The following TNIK variants were observed in gnomAD, a reference collection of about 807,000 sequenced individuals.
TNIK encodes TRAF2 and NCK interacting kinase.
A neutral mutation model predicts 191.3 loss-of-function variants in TNIK; 49 were observed. That is an observed-to-expected ratio of 0.26 (90% confidence interval 0.20 to 0.32). The LOEUF (loss-of-function observed/expected upper bound fraction) is 0.32, where lower values mean the gene tolerates loss of function less well. Ranked by LOEUF, TNIK falls within the 10% of genes least tolerant of loss-of-function variation. The pLI is 1.00. For missense variants in TNIK, 1,155 were observed against 1,702.3 expected, an observed-to-expected ratio of 0.68 and a Z score of 5.66; for synonymous variants, 594 against 600.9, an observed-to-expected ratio of 0.99 and a Z score of 0.17.
At chr3:171,271,428 C>T (rs974846727) in intron 2 of TNIK, among the ~76,000 whole-genome samples, 4 of 152,156 alleles carry the variant, frequency 2.6e-5, no homozygotes, top group African/African-American at 9.7e-5. Context: ...CTATCCAATA[C>T]ACACCCTCTA....
chr3:171,307,103 A>G (rs1347124279), intron 2 of TNIK, among the ~76,000 whole-genome samples: 1 of 152,194 alleles, frequency 6.6e-6, no homozygotes, highest in Non-Finnish European at 1.5e-5. Flanking sequence ...ACTCAGCCCT[A>G]ATACCAAATC....
chr3:171,363,444 G>C (rs1022463037), intron 2 of TNIK, among the ~76,000 whole-genome samples: 3 of 152,014 alleles, frequency 2.0e-5, no homozygotes, highest in Admixed American at 2.0e-4. Context: ...AAAGCACAGG[G>C]CTTTTTTCAT....
At chr3:171,293,940 G>T (rs1751973025) in intron 2 of TNIK, among the ~76,000 whole-genome samples, 1 of 152,036 alleles carries the variant, frequency 6.6e-6, no homozygotes, top group Admixed American at 6.6e-5. Context: ...TATAAAACTG[G>T]CCGGCTGGGC....
chr3:171,176,476 A>C (rs1274626800), intron 8 of TNIK, among the ~76,000 whole-genome samples: 1 of 152,240 alleles, frequency 6.6e-6, no homozygotes, highest in African/African-American at 2.4e-5. Context: ...GGAAGGAGCC[A>C]GGCAGTATGG....
intron 1 of TNIK, among the ~76,000 whole-genome samples, chr3:171,392,941 A>G (rs1296568250): frequency 6.6e-6 from 1 of 152,194 alleles, no homozygotes; most frequent in Non-Finnish European, 1.5e-5. Context: ...TCTGAAAGAA[A>G]GCACTTCCAC....
intron 2 of TNIK, among the ~76,000 whole-genome samples, chr3:171,327,677 C>A (rs1577492132): frequency 1.3e-5 from 2 of 151,902 alleles, no homozygotes; most frequent in African/African-American, 4.8e-5. Flanking sequence ...AAATATTAAA[C>A]CACTGAGTTT....
chr3:171,151,922 C>G (rs1732486981), intron 12 of TNIK, among the ~76,000 whole-genome samples: 2 of 152,170 alleles, frequency 1.3e-5, no homozygotes, highest in Admixed American at 6.5e-5. Flanking sequence ...AGCGGCTTCT[C>G]TGGGTTTGGG....
At chr3:171,126,284 C>T (rs1728470177) in intron 16 of TNIK, 133 bp from the exon 17 acceptor site, 1 of 1,099,474 alleles carries the variant, frequency 9.1e-7, no homozygotes, top group Admixed American at 3.7e-5. Flanking sequence ...TCTATCACAA[C>T]TATATATAGC....
At chr3:171,109,904 C>G (rs114264329) in intron 19 of TNIK, among the ~76,000 whole-genome samples, 432 of 151,382 alleles carry the variant, frequency 2.9e-3, no homozygotes, top group African/African-American at 9.8e-3. Flanking sequence ...CCAGAGGAGT[C>G]AACAATTTTT....
chr3:171,393,372 C>T (rs1490386525), intron 1 of TNIK, among the ~76,000 whole-genome samples: 1 of 152,206 alleles, frequency 6.6e-6, no homozygotes, highest in Non-Finnish European at 1.5e-5. Flanking sequence ...AGGAAATACC[C>T]AGCTGCTGCA....
intron 21 of TNIK, 190 bp from the exon 22 acceptor site, chr3:171,101,823 A>G: frequency 3.4e-6 from 2 of 596,158 alleles, no homozygotes. Flanking sequence ...AAGAAAGATG[A>G]AATCAATTTA....
chr3:171,210,718 C>A (rs576340987), intron 4 of TNIK, among the ~76,000 whole-genome samples: 3 of 152,128 alleles, frequency 2.0e-5, no homozygotes, highest in South Asian at 2.1e-4. Flanking sequence ...TTTCTGTAAA[C>A]CTTAGTTGCA....
chr3:171,165,415 C>CAAA (rs35708323), intron 10 of TNIK, among the ~76,000 whole-genome samples: 1 of 72,786 alleles, frequency 1.4e-5, no homozygotes, highest in Non-Finnish European at 3.0e-5. Context: ...GAACTCATCT[C>CAAA]AAAAAAAAAA....
chr3:171,421,752 G>GTTTT (rs1723834893), intron 1 of TNIK, among the ~76,000 whole-genome samples: 1 of 74,014 alleles, frequency 1.4e-5, no homozygotes. Context: ...TTTTTTTTGA[G>GTTTT]ATGAAGTCTG....
chr3:171,139,103 G>T (rs1347164958), intron 14 of TNIK, among the ~76,000 whole-genome samples: 1 of 152,146 alleles, frequency 6.6e-6, no homozygotes, highest in Non-Finnish European at 1.5e-5. Context: ...TGCTGTGATT[G>T]TATTCCAGCA....
chr3:171,427,808 C>A (rs762813655), intron 1 of TNIK, among the ~76,000 whole-genome samples: 4 of 152,104 alleles, frequency 2.6e-5, no homozygotes, highest in Non-Finnish European at 5.9e-5. Flanking sequence ...AGGTGATAAG[C>A]GCCATGGAGT....
intron 12 of TNIK, among the ~76,000 whole-genome samples, chr3:171,152,973 G>A (rs1434259575): frequency 3.3e-5 from 5 of 151,854 alleles, no homozygotes; most frequent in African/African-American, 1.2e-4. Context: ...GGGTTTCACC[G>A]TGTTATCCAG....
At position 171,059,909 on chromosome 3, in the gene TNIK, T is replaced by G. The variant is rs889072307; in HGVS notation, c.*3972A>C. On this transcript the variant is annotated 3_prime_UTR_variant, in exon 33 of 33. Coordinates refer to ENST00000436636, the MANE Select transcript of TNIK (RefSeq NM_015028.4). The stretch of plus-strand genomic sequence containing the variant: ...GATCAGAACATGGTACCAGTGGTGA[T>G]TCTGGAATATAAAGAGCATAGTAGC... Among the ~76,000 whole-genome samples, 1 of 152,218 alleles carries G rather than the reference T, an allele frequency of 6.6e-6. No individual in the cohort carries two copies. Among genetic ancestry groups the G allele is most frequent in the Non-Finnish European group, 1.5e-5 (1 of 68,034 alleles).
chr3:171,169,574 C>T (rs1304669280), intron 9 of TNIK, among the ~76,000 whole-genome samples: 2 of 152,040 alleles, frequency 1.3e-5, no homozygotes, highest in East Asian at 3.9e-4. Flanking sequence ...GCCAGAAGTG[C>T]TTTTTTTTAT....
Sources: gnomAD v4.1 joint callset for allele counts (sites outside exome capture counted in the v4.1 genomes callset) on GRCh38, gnomAD v4.1.1 for gene constraint, MANE v1.5 for transcripts, NCBI Gene and HGNC (gene_info 2026-07-23, HGNC 2026-07-21) for gene names.